The following SHOX variants were observed in gnomAD, a reference collection of about 807,000 sequenced individuals.
SHOX encodes the protein short stature homeobox protein.
In SHOX, 12 loss-of-function variants were observed where a neutral mutation model predicts 29.6. The ratio of observed to expected loss-of-function variants is 0.41; its 90% CI spans 0.26 to 0.66. The LOEUF is 0.66. SHOX is among the 30% of genes least tolerant of loss of function. SHOX has a pLI of 0.35. For missense variants in SHOX, 499 were observed against 437.7 expected, an observed-to-expected ratio of 1.14 and a Z score of -1.25; for synonymous variants, 214 against 200.6, an observed-to-expected ratio of 1.07 and a Z score of -0.57.
chrX:630,716 T>G, upstream of SHOX: 1 of 727,216 alleles, frequency 1.4e-6, no homozygotes, highest in Non-Finnish European at 2.3e-6. Context: ...GACCAGTAAT[T>G]GCACCAGACA....
At position 644,594 on chromosome X, in the gene SHOX, G is replaced by A. The variant is rs1308586589; in HGVS notation, c.837G>A (p.Leu279=). 5 of 1,511,584 alleles carry A rather than the reference G, an allele frequency of 3.3e-6. No homozygotes were observed. Among genetic ancestry groups the A allele is most frequent in the Non-Finnish European group, 4.4e-6 (5 of 1,136,944 alleles). The allele number at this position is 1,511,584 out of a possible 1,614,324, so 93.6% of individuals were successfully genotyped here. ...SNSKNSSIAD[L]RLKARKHAEA... Reference sequence around the variant, plus strand: ...GCAAGAATTCCAGCATCGCCGACCTGCGGCTCAAGGCGCGGAAGCACGCGG... The same window carrying A: ...GCAAGAATTCCAGCATCGCCGACCTACGGCTCAAGGCGCGGAAGCACGCGG... The change falls in exon 5 of 5, where the codon CTG becomes CTA. Residue 279 remains leucine (L), a synonymous_variant. Coordinates refer to ENST00000686671, the MANE Select transcript of SHOX (RefSeq NM_000451.4).
In SHOX at chrX:641,218, A is replaced by G. The variant is rs1361216095; in HGVS notation, c.633+131A>G. On this transcript the variant is annotated intron_variant, in intron 4 of 4. Transcript: ENST00000686671. ...TGCAGACTTCTCAGCTGGCCCTTAG[A>G]AAAAAAGCCTCTTTTCCGAGGAGGC... 4 of 913,960 alleles carry G rather than the reference A, an allele frequency of 4.4e-6. No homozygotes were observed. The South Asian group carries it at 5.5e-5, about 13-fold the overall frequency. 56.6% of individuals were successfully genotyped at this position (913,960 alleles called of 1,614,324 possible). A position where few individuals can be genotyped will look rare whatever the true frequency, so the allele number is the denominator to read the frequency against.
chrX:632,896 T>G (rs1269965447), intron 1 of SHOX, among the ~76,000 whole-genome samples: 2 of 152,146 alleles, frequency 1.3e-5, no homozygotes, highest in Non-Finnish European at 2.9e-5. Flanking sequence ...TCTGTGGGGT[T>G]GCTTTTTGGT....
rs928158939 is a variant in SHOX at position 649,747 on chromosome X, C to T, written c.*5111C>T. On this transcript the variant is annotated 3_prime_UTR_variant, in exon 5 of 5. Coordinates refer to ENST00000686671, the MANE Select transcript of SHOX (RefSeq NM_000451.4). The stretch of plus-strand genomic sequence containing the variant: ...GGAACACGTTGCTGGCCGAACTGAA[C>T]GATGCTGGGTTGGGTCCTGATTGAT... Among the ~76,000 whole-genome samples the T allele has an allele frequency of 1.4e-4, 21 of 152,110 alleles. No individual in the cohort carries two copies. The highest frequency in any genetic ancestry group is 4.3e-4 in the African/African-American group (18 of 41,436).
rs748705087 is a variant in SHOX at position 634,770 on chromosome X, G to C, written c.430G>C (p.Ala144Pro). Reference protein sequence around the residue: ...RLFDETHYPDAFMREELSQRL... With the variant: ...RLFDETHYPDPFMREELSQRL... ...CTTCGACGAGACCCATTACCCCGAC[G>C]CCTTCATGCGCGAGGAGCTCAGCCA... Residue 144 changes from alanine to proline, a missense_variant, in exon 2 of 5, where the codon GCC (alanine) becomes CCC (proline). Physicochemically the swap from Ala to Pro is conservative, Grantham distance 27. Transcript: ENST00000686671. 2 of 1,606,494 alleles carry C rather than the reference G, an allele frequency of 1.2e-6. No individual in the cohort carries two copies. The highest frequency in any genetic ancestry group is 4.5e-5 in the East Asian group (2 of 44,674).
intron 2 of SHOX, among the ~76,000 whole-genome samples, chrX:638,258 T>G (rs894416680): frequency 7.1e-6 from 1 of 141,282 alleles, no homozygotes; most frequent in African/African-American, 3.0e-5. Flanking sequence ...TCTTCATCAT[T>G]TTTTTTTTTC....
chrX:640,796 A>G (rs1438263072), intron 2 of SHOX, 25 bp from the exon 3 acceptor site: 1 of 1,613,740 alleles, frequency 6.2e-7, no homozygotes, highest in Admixed American at 1.7e-5. Flanking sequence ...AGGGCTCTTC[A>G]CATCTCTCTC....
upstream of SHOX, chrX:630,498 G>A: frequency 3.2e-6 from 1 of 310,342 alleles, no homozygotes. Flanking sequence ...TCCGGCCACG[G>A]AGAGAACGCG....
chrX:651,768 A>G (rs1387937709), downstream of SHOX, among the ~76,000 whole-genome samples: 1 of 151,016 alleles, frequency 6.6e-6, no homozygotes, highest in Non-Finnish European at 1.5e-5. Flanking sequence ...GGTACCATTG[A>G]CTTTTGCTTG....
chrX:625,248 T>A (rs1249339433), intron 1 of SHOX, among the ~76,000 whole-genome samples: 3 of 137,610 alleles, frequency 2.2e-5, no homozygotes, highest in African/African-American at 7.9e-5. Flanking sequence ...CTCCTTCTAC[T>A]CCTTTTCCTC....
At chrX:656,799 C>T (rs1156594674) in intron 5 of SHOX, among the ~76,000 whole-genome samples, 3 of 150,402 alleles carry the variant, frequency 2.0e-5, no homozygotes, top group Admixed American at 6.7e-5. Context: ...GTCGAGATCG[C>T]GCCACTGCCC....
rs1048689877 is a variant in SHOX at position 650,974 on chromosome X, A to G, written c.*6338A>G. Among the ~76,000 whole-genome samples, 1 of 152,122 alleles carries G rather than the reference A, an allele frequency of 6.6e-6. No individual in the cohort carries two copies. Among genetic ancestry groups the G allele is most frequent in the African/African-American group, 2.4e-5 (1 of 41,428 alleles). ...GGAATGTAGACAATATCCCGTTTCAAAGCTATGAAATGTGCTATTTATTGA... is the reference window on the plus strand; with the variant it reads ...GGAATGTAGACAATATCCCGTTTCAGAGCTATGAAATGTGCTATTTATTGA... On this transcript the variant is annotated 3_prime_UTR_variant, in exon 5 of 5. Transcript: ENST00000686671.
chrX:630,082 T>C (rs554681614), upstream of SHOX, among the ~76,000 whole-genome samples: 60 of 152,188 alleles, frequency 3.9e-4, 2 homozygotes, highest in South Asian at 0.012. Flanking sequence ...CTGGGCTTCT[T>C]TCTGCGGGCG....
chrX:653,173 G>A (rs777603540), downstream of SHOX, among the ~76,000 whole-genome samples: 51 of 152,236 alleles, frequency 3.4e-4, no homozygotes, highest in African/African-American at 1.2e-3. Context: ...CCCAGGAGGC[G>A]GAGGTTGCAC....
chrX:654,016 C>T (rs71204360), downstream of SHOX, among the ~76,000 whole-genome samples: 12 of 152,048 alleles, frequency 7.9e-5, no homozygotes, highest in African/African-American at 2.4e-4. Flanking sequence ...CTACTCTACA[C>T]GTTTTCCCAA....
downstream of SHOX, among the ~76,000 whole-genome samples, chrX:653,086 C>T (rs2053090913): frequency 6.6e-6 from 1 of 152,022 alleles, no homozygotes; most frequent in Non-Finnish European, 1.5e-5. Flanking sequence ...ACTAAAAATA[C>T]AAAAATTAGC....
At chrX:641,200 T>G (rs1368603789) in intron 4 of SHOX, 113 bp downstream of exon 4, 7 of 1,030,896 alleles carry the variant, frequency 6.8e-6, no homozygotes, top group Non-Finnish European at 1.1e-5. Flanking sequence ...CCCTGCAGAC[T>G]TCTCAGCTGG....
intron 1 of SHOX, among the ~76,000 whole-genome samples, chrX:633,377 G>C (rs1168167154): frequency 6.6e-6 from 1 of 152,012 alleles, no homozygotes; most frequent in African/African-American, 2.4e-5. Flanking sequence ...CGATTCACTT[G>C]GGGGGAAGGA....
chrX:647,169 C>T lies in SHOX; in HGVS notation c.*2533C>T, dbSNP rs749630309. Among the ~76,000 whole-genome samples the T allele has an allele frequency of 3.9e-5, 6 of 152,338 alleles. No individual in the cohort carries two copies. The highest frequency in any genetic ancestry group is 2.0e-4 in the Admixed American group (3 of 15,302). ...TCGGCTCACCGCAACCTCCGCCTCC[C>T]GGGTTCAAGCCATTCTCCTGCCTCA... On this transcript the variant is annotated 3_prime_UTR_variant, in exon 5 of 5. Transcript: ENST00000686671.
Sources: gnomAD v4.1 joint callset for allele counts (sites outside exome capture counted in the v4.1 genomes callset) on GRCh38, gnomAD v4.1.1 for gene constraint, MANE v1.5 for transcripts, NCBI Gene and HGNC (gene_info 2026-07-23, HGNC 2026-07-21) for gene names.